The following TOR1AIP1 variants were observed in gnomAD, a reference collection of about 807,000 sequenced individuals.
TOR1AIP1 encodes the protein torsin 1A interacting protein 1.
TOR1AIP1 carries 54 observed loss-of-function variants against 63.3 expected under a neutral mutation model. The ratio of observed to expected loss-of-function variants is 0.85; its 90% CI spans 0.69 to 1.07. The LOEUF (loss-of-function observed/expected upper bound fraction) is 1.07. Ranked by LOEUF, TOR1AIP1 falls within the 50% of genes least tolerant of loss-of-function variation. TOR1AIP1 has a pLI of 0.00. For synonymous variants in TOR1AIP1, 294 were observed against 273.5 expected, an observed-to-expected ratio of 1.07 and a Z score of -0.74; for missense variants, 736 against 715.0, an observed-to-expected ratio of 1.03 and a Z score of -0.33.
chr1:179,909,905 A>G (rs1280162391), intron 8 of TOR1AIP1, among the ~76,000 whole-genome samples: 1 of 152,174 alleles, frequency 6.6e-6, no homozygotes, highest in South Asian at 2.1e-4. Context: ...TGGGACTTGC[A>G]TGCATGCGCC....
intron 3 of TOR1AIP1, 75 bp from the exon 4 acceptor site, chr1:179,900,051 A>G: frequency 8.5e-7 from 1 of 1,173,678 alleles, no homozygotes; most frequent in African/African-American, 1.5e-5. Flanking sequence ...CTTTTTTCCT[A>G]AGCTTTTGTT....
chr1:179,885,230 T>G (rs1293920804), intron 2 of TOR1AIP1, among the ~76,000 whole-genome samples: 1 of 152,234 alleles, frequency 6.6e-6, no homozygotes, highest in Non-Finnish European at 1.5e-5. Flanking sequence ...GTTTATCAAA[T>G]CTTAAGATGC....
intron 7 of TOR1AIP1, 92 bp downstream of exon 7, chr1:179,907,956 GC>G: frequency 1.2e-6 from 1 of 821,178 alleles, no homozygotes; most frequent in Non-Finnish European, 1.6e-6. Context: ...TTGCTCTGTC[GC>G]CCAGGCTGGA....
intron 2 of TOR1AIP1, among the ~76,000 whole-genome samples, chr1:179,886,501 T>G (rs541945509): frequency 5.9e-5 from 9 of 152,192 alleles, no homozygotes; most frequent in Non-Finnish European, 1.3e-4. Context: ...ACAGGGCCTC[T>G]GAAGAAATGA....
chr1:179,893,720 G>T (rs1648178792), intron 3 of TOR1AIP1, among the ~76,000 whole-genome samples: 1 of 152,038 alleles, frequency 6.6e-6, no homozygotes, highest in South Asian at 2.1e-4. Context: ...GGATTTACAG[G>T]CATGAGCCAC....
At chr1:179,887,579 A>G (rs1469025296) in intron 2 of TOR1AIP1, among the ~76,000 whole-genome samples, 2 of 152,218 alleles carry the variant, frequency 1.3e-5, no homozygotes, top group African/African-American at 4.8e-5. Flanking sequence ...CACTTAAAAT[A>G]GCCGTTAGGT....
chr1:179,910,000 G>A (rs986664386), intron 8 of TOR1AIP1, among the ~76,000 whole-genome samples: 1 of 152,144 alleles, frequency 6.6e-6, no homozygotes, highest in African/African-American at 2.4e-5. Context: ...CTGACCTCAA[G>A]TGATCCGCCT....
chr1:179,907,593 TTATATATATA>T (rs55752745), intron 6 of TOR1AIP1, among the ~76,000 whole-genome samples: 6 of 63,260 alleles, frequency 9.5e-5, no homozygotes, highest in South Asian at 1.5e-3. Context: ...CACACACACT[TTATATATATA>T]TATATATATA....
At chr1:179,910,907 C>T (rs891113788) in intron 8 of TOR1AIP1, among the ~76,000 whole-genome samples, 14 of 152,118 alleles carry the variant, frequency 9.2e-5, no homozygotes, top group African/African-American at 3.4e-4. Flanking sequence ...GAGAAGGAAA[C>T]ATAATTATAT....
chr1:179,885,048 C>T lies in TOR1AIP1; in HGVS notation c.553+279C>T, dbSNP rs559298968. Among the ~76,000 whole-genome samples the T allele has an allele frequency of 7.2e-4, 110 of 152,318 alleles. 1 individual carries two copies. The highest frequency in any genetic ancestry group is 2.6e-3 in the African/African-American group (107 of 41,562). On this transcript the variant is annotated intron_variant, in intron 2 of 9. Transcript: ENST00000606911. ...GTCTTCTCCAGAGCCCTTTTACTTT[C>T]CCCCCAAGTGCCTCACTATCATTCT...
chr1:179,883,383 C>T (rs190344779), intron 1 of TOR1AIP1, among the ~76,000 whole-genome samples: 2 of 152,200 alleles, frequency 1.3e-5, no homozygotes, highest in African/African-American at 4.8e-5. Flanking sequence ...CTTTAACGCT[C>T]GCGGGCCAGA....
chr1:179,905,173 G>A (rs911700097), intron 6 of TOR1AIP1, among the ~76,000 whole-genome samples: 12 of 152,150 alleles, frequency 7.9e-5, no homozygotes, highest in African/African-American at 2.9e-4. Flanking sequence ...TCAAGAGACC[G>A]AGACCATCCT....
chr1:179,886,675 A>G (rs1312785417), intron 2 of TOR1AIP1, among the ~76,000 whole-genome samples: 1 of 152,232 alleles, frequency 6.6e-6, no homozygotes, highest in Non-Finnish European at 1.5e-5. Flanking sequence ...ATGTTTACCA[A>G]TATAAATGAC....
At chr1:179,898,089 C>T (rs1372340168) in intron 3 of TOR1AIP1, among the ~76,000 whole-genome samples, 5 of 150,954 alleles carry the variant, frequency 3.3e-5, no homozygotes, top group Admixed American at 6.6e-5. Flanking sequence ...ACGACAGAAC[C>T]AAACCATGTC....
chr1:179,887,561 G>A (rs1435568849), intron 2 of TOR1AIP1, among the ~76,000 whole-genome samples: 1 of 152,190 alleles, frequency 6.6e-6, no homozygotes, highest in South Asian at 2.1e-4. Flanking sequence ...CCATAATTGA[G>A]TTGTTTTCAC....
At chr1:179,901,868 T>C (rs1355129958) in intron 5 of TOR1AIP1, among the ~76,000 whole-genome samples, 2 of 152,028 alleles carry the variant, frequency 1.3e-5, no homozygotes, top group African/African-American at 4.8e-5. Context: ...AAAATACCAG[T>C]TTGAGGCTTA....
In TOR1AIP1 at chr1:179,894,463, G is replaced by T. The variant is rs12090838; in HGVS notation, c.610+5094G>T. ...GCACTTTGGGAGGCTGAGGTGGACG[G>T]ATCACCTGAGGTCAGGAGTTCAAGA... On this transcript the variant is annotated intron_variant, in intron 3 of 9. Coordinates refer to ENST00000606911, the MANE Select transcript of TOR1AIP1 (RefSeq NM_015602.4). 4.0e-3 allele frequency among the ~76,000 whole-genome samples: 612 copies of T among 152,178 alleles called. 5 individuals carry two copies. The highest frequency in any genetic ancestry group is 0.014 in the African/African-American group (582 of 41,520).
intron 3 of TOR1AIP1, among the ~76,000 whole-genome samples, chr1:179,890,850 G>A (rs1571724108): frequency 1.3e-5 from 2 of 152,218 alleles, no homozygotes; most frequent in Admixed American, 1.3e-4. Context: ...GAATTCCTGG[G>A]CTCTAGCAAT....
chr1:179,884,804 C>G, intron 2 of TOR1AIP1, 35 bp downstream of exon 2: 1 of 1,494,076 alleles, frequency 6.7e-7, no homozygotes, highest in Non-Finnish European at 9.2e-7. Context: ...TTCTCCTTAC[C>G]TACCAACTTT....
Sources: allele counts gnomAD v4.1 joint callset (sites outside exome capture counted in the v4.1 genomes callset), GRCh38; gene constraint gnomAD v4.1.1; transcripts MANE v1.5; gene names NCBI Gene and HGNC (gene_info 2026-07-23, HGNC 2026-07-21).